The following MYO16 variants were observed in gnomAD, a reference collection of about 807,000 sequenced individuals.
The protein encoded by MYO16 is myosin XVI, also known as unconventional myosin-XVI.
A neutral mutation model predicts 205.3 loss-of-function variants in MYO16; 94 were observed. The ratio of observed to expected loss-of-function variants is 0.46; its 90% CI spans 0.39 to 0.54. The LOEUF is 0.54. MYO16 is among the 20% of genes least tolerant of loss of function. MYO16 has a pLI of 0.00. For missense variants in MYO16, 2,315 were observed against 2,387.5 expected (o/e 0.97, Z 0.63); for synonymous variants, 988 against 954.0 (o/e 1.04, Z -0.66).
intron 27 of MYO16, among the ~76,000 whole-genome samples, chr13:109,063,074 G>A (rs559195374): frequency 3.3e-5 from 5 of 152,220 alleles, no homozygotes; most frequent in Admixed American, 3.3e-4. Flanking sequence ...CTTTGAATGG[G>A]ATTTATTGTT....
At chr13:108,694,412 G>T (rs1490158065) in intron 2 of MYO16, among the ~76,000 whole-genome samples, 1 of 152,126 alleles carries the variant, frequency 6.6e-6, no homozygotes, top group African/African-American at 2.4e-5. Flanking sequence ...ATATAAGAAG[G>T]TTCCAATTTC....
At chr13:108,945,697 C>T (rs1464597858) in intron 16 of MYO16, among the ~76,000 whole-genome samples, 1 of 152,006 alleles carries the variant, frequency 6.6e-6, no homozygotes, top group African/African-American at 2.4e-5. Flanking sequence ...GATCCAATAT[C>T]CTATTACTGA....
intron 2 of MYO16, among the ~76,000 whole-genome samples, chr13:108,679,102 T>A (rs1882350291): frequency 6.6e-6 from 1 of 152,144 alleles, no homozygotes; most frequent in Non-Finnish European, 1.5e-5. Flanking sequence ...ACCATCACAT[T>A]GGGAATTGGG....
intron 21 of MYO16, among the ~76,000 whole-genome samples, chr13:109,002,225 C>T (rs1350818743): frequency 6.6e-6 from 1 of 152,212 alleles, no homozygotes; most frequent in African/African-American, 2.4e-5. Flanking sequence ...GCCCAGGGCT[C>T]TGCCTTCAGC....
At chr13:108,588,582 ACATT>A in the MYO16 span, among the ~76,000 whole-genome samples, 2 of 152,136 alleles carry the variant, frequency 1.3e-5, no homozygotes. Flanking sequence ...TTTATGGTAA[ACATT>A]CATTATACTT....
chr13:109,183,281 A>G (rs1247851452), intron 34 of MYO16, among the ~76,000 whole-genome samples: 1 of 152,184 alleles, frequency 6.6e-6, no homozygotes, highest in African/African-American at 2.4e-5. Context: ...ATTTTTTGCC[A>G]TGATGGCAAT....
At chr13:109,177,161 C>T (rs907909038) in intron 33 of MYO16, among the ~76,000 whole-genome samples, 1 of 152,110 alleles carries the variant, frequency 6.6e-6, no homozygotes, top group African/African-American at 2.4e-5. Flanking sequence ...TTAGCAACAC[C>T]ACCATGAAGT....
chr13:109,096,413 C>T (rs1235835432), intron 27 of MYO16, among the ~76,000 whole-genome samples: 2 of 152,154 alleles, frequency 1.3e-5, no homozygotes, highest in African/African-American at 2.4e-5. Flanking sequence ...AACTTGAGTA[C>T]TCTCCAAAGA....
chr13:108,704,066 C>T (rs1346168063), intron 2 of MYO16, among the ~76,000 whole-genome samples: 1 of 152,122 alleles, frequency 6.6e-6, no homozygotes, highest in East Asian at 1.9e-4. Flanking sequence ...AGAAGAGAGG[C>T]CTCAGAGGAA....
the MYO16 span, among the ~76,000 whole-genome samples, chr13:108,505,291 C>A: frequency 6.6e-6 from 1 of 152,274 alleles, no homozygotes; most frequent in Non-Finnish European, 1.5e-5. Flanking sequence ...CACAAGAGTT[C>A]AAGTTTCTCC....
intron 15 of MYO16, among the ~76,000 whole-genome samples, chr13:108,900,608 A>G (rs1880661026): frequency 6.6e-6 from 1 of 152,182 alleles, no homozygotes; most frequent in African/African-American, 2.4e-5. Flanking sequence ...TCCCCAATCA[A>G]TACCCTTGTG....
chr13:108,823,353 G>A, intron 9 of MYO16, 75 bp downstream of exon 9: 1 of 1,370,656 alleles, frequency 7.3e-7, no homozygotes, highest in Non-Finnish European at 9.9e-7. Flanking sequence ...TATTAAGTCT[G>A]ACTCTCAGCC....
chr13:109,169,629 A>AC (rs2139890037), intron 33 of MYO16, among the ~76,000 whole-genome samples: 1 of 150,642 alleles, frequency 6.6e-6, no homozygotes, highest in East Asian at 1.9e-4. Context: ...TACATTCTTA[A>AC]AAAAAAAAGA....
At chr13:108,644,515 A>C (rs765070075) in intron 1 of MYO16, among the ~76,000 whole-genome samples, 7 of 152,328 alleles carry the variant, frequency 4.6e-5, no homozygotes, top group Non-Finnish European at 8.8e-5. Flanking sequence ...TTAAATAATT[A>C]GTAGCAATGG....
At chr13:108,833,124 A>G (rs940027551) in intron 9 of MYO16, among the ~76,000 whole-genome samples, 5 of 152,070 alleles carry the variant, frequency 3.3e-5, no homozygotes, top group South Asian at 2.1e-4. Flanking sequence ...TTTTTTGCAT[A>G]TATCTGTTGA....
At chr13:108,554,510 G>T in the MYO16 span, among the ~76,000 whole-genome samples, 1 of 152,026 alleles carries the variant, frequency 6.6e-6, no homozygotes, top group South Asian at 2.1e-4. Flanking sequence ...TGTTTGCCTG[G>T]TTCCATGAAT....
chr13:108,551,643 CA>C, the MYO16 span, among the ~76,000 whole-genome samples: 1 of 152,032 alleles, frequency 6.6e-6, no homozygotes, highest in South Asian at 2.1e-4. Flanking sequence ...TTTTGCTCCA[CA>C]AAAATCTTAC....
chr13:108,963,045 A>C (rs1883647301), intron 19 of MYO16, among the ~76,000 whole-genome samples: 1 of 152,252 alleles, frequency 6.6e-6, no homozygotes. Context: ...CATGTTTGGA[A>C]TTAGAATCTA....
At chr13:108,978,626 C>T (rs574639817) in intron 20 of MYO16, among the ~76,000 whole-genome samples, 13 of 151,716 alleles carry the variant, frequency 8.6e-5, no homozygotes, top group African/African-American at 2.4e-4. Flanking sequence ...TATTTATGTT[C>T]GCATTTATTT....
Sources: gnomAD v4.1 joint callset for allele counts (sites outside exome capture counted in the v4.1 genomes callset) on GRCh38, gnomAD v4.1.1 for gene constraint, MANE v1.5 for transcripts, NCBI Gene and HGNC (gene_info 2026-07-23, HGNC 2026-07-21) for gene names.